Variants in SHROOM3 observed in about 807,000 individuals in gnomAD.
SHROOM3 encodes shroom family member 3.
A neutral mutation model predicts 138.6 loss-of-function variants in SHROOM3; 47 were observed. That is an observed-to-expected ratio of 0.34 (90% CI 0.27 to 0.43). The LOEUF (loss-of-function observed/expected upper bound fraction) is 0.43. Among genes scored for constraint, SHROOM3 ranks in the 20% least tolerant of loss-of-function variants. SHROOM3 has a pLI of 1.00. For synonymous variants in SHROOM3, 1,062 were observed against 1,063.3 expected, an observed-to-expected ratio of 1.00 and a Z score of 0.02; for missense variants, 2,491 against 2,596.5, an observed-to-expected ratio of 0.96 and a Z score of 0.88.
At chr4:76,770,077 C>CT (rs1203509035) in intron 9 of SHROOM3, among the ~76,000 whole-genome samples, 1 of 152,240 alleles carries the variant, frequency 6.6e-6, no homozygotes, top group East Asian at 1.9e-4. Flanking sequence ...AATCCCAGCA[C>CT]TTTGAGAAGC....
chr4:76,535,068 CAT>C (rs1448618288), intron 1 of SHROOM3, among the ~76,000 whole-genome samples: 1 of 152,226 alleles, frequency 6.6e-6, no homozygotes, highest in Non-Finnish European at 1.5e-5. Flanking sequence ...TCTGAACACA[CAT>C]AGCACTTCCA....
At chr4:76,561,431 C>A (rs558024803) in intron 2 of SHROOM3, among the ~76,000 whole-genome samples, 1 of 151,976 alleles carries the variant, frequency 6.6e-6, no homozygotes, top group African/African-American at 2.4e-5. Flanking sequence ...AGGTGGCTAG[C>A]GTGAGAATCT....
At chr4:76,743,007 A>G (rs2110136290) in intron 5 of SHROOM3, among the ~76,000 whole-genome samples, 1 of 152,354 alleles carries the variant, frequency 6.6e-6, no homozygotes, top group Non-Finnish European at 1.5e-5. Context: ...TAAGCAAGGA[A>G]TACGACCTTA....
chr4:76,477,335 G>T (rs1731508148), intron 1 of SHROOM3, among the ~76,000 whole-genome samples: 1 of 152,032 alleles, frequency 6.6e-6, no homozygotes, highest in African/African-American at 2.4e-5. Flanking sequence ...ACCAAAATAG[G>T]ATTTGGTTAA....
At chr4:76,732,578 C>T (rs1434276803) in intron 4 of SHROOM3, among the ~76,000 whole-genome samples, 1 of 152,202 alleles carries the variant, frequency 6.6e-6, no homozygotes, top group Non-Finnish European at 1.5e-5. Flanking sequence ...TTATTCTCAC[C>T]GTCTGAGCCA....
intron 2 of SHROOM3, among the ~76,000 whole-genome samples, chr4:76,663,013 C>G (rs1207805099): frequency 2.6e-5 from 4 of 152,060 alleles, no homozygotes; most frequent in Non-Finnish European, 5.9e-5. Context: ...GATTCCTAGC[C>G]TAGAACATTG....
intron 2 of SHROOM3, among the ~76,000 whole-genome samples, chr4:76,557,266 G>A (rs1011847314): frequency 1.0e-5 from 1 of 99,236 alleles, no homozygotes; most frequent in East Asian, 2.8e-4. Context: ...CACACACGAG[G>A]AATATTATCC....
intron 1 of SHROOM3, among the ~76,000 whole-genome samples, chr4:76,451,051 G>T (rs556089912): frequency 1.3e-5 from 2 of 151,882 alleles, no homozygotes; most frequent in African/African-American, 4.8e-5. Context: ...CTGGGTTCAC[G>T]CCATTCTCCT....
chr4:76,685,815 T>C (rs370291679), intron 2 of SHROOM3, among the ~76,000 whole-genome samples: 22 of 151,998 alleles, frequency 1.4e-4, no homozygotes, highest in African/African-American at 5.1e-4. Flanking sequence ...CCATCTCTAC[T>C]AAAAGTACAA....
chr4:76,564,706 G>T (rs1733663542), intron 2 of SHROOM3, among the ~76,000 whole-genome samples: 1 of 152,150 alleles, frequency 6.6e-6, no homozygotes, highest in Non-Finnish European at 1.5e-5. Context: ...CTAAACACTA[G>T]CTTCATACAA....
At chr4:76,624,390 A>C (rs1160453089) in intron 2 of SHROOM3, among the ~76,000 whole-genome samples, 1 of 152,162 alleles carries the variant, frequency 6.6e-6, no homozygotes, top group Non-Finnish European at 1.5e-5. Flanking sequence ...TTAGAGCTCC[A>C]GAGTTCACTC....
At chr4:76,745,015 G>A (rs1048080498) in intron 5 of SHROOM3, among the ~76,000 whole-genome samples, 4 of 152,340 alleles carry the variant, frequency 2.6e-5, no homozygotes, top group South Asian at 2.1e-4. Flanking sequence ...ACCTTCTCAT[G>A]TATTTGGCAG....
intron 2 of SHROOM3, among the ~76,000 whole-genome samples, chr4:76,681,607 G>GTA (rs1410964750): frequency 7.5e-6 from 1 of 132,756 alleles, no homozygotes; most frequent in African/African-American, 3.0e-5. Flanking sequence ...GTGTGTGTGT[G>GTA]TGTGTGTGTG....
At chr4:76,770,480 A>T in intron 9 of SHROOM3, 146 bp from the exon 10 acceptor site, 1 of 960,440 alleles carries the variant, frequency 1.0e-6, no homozygotes, top group Non-Finnish European at 1.6e-6. Flanking sequence ...CTATTATGGC[A>T]TAATATTGGG....
At chr4:76,441,490 C>CA (rs1335250918) in intron 1 of SHROOM3, among the ~76,000 whole-genome samples, 1 of 152,188 alleles carries the variant, frequency 6.6e-6, no homozygotes, top group Non-Finnish European at 1.5e-5. Context: ...CCAACTACCA[C>CA]ATTAGATCAG....
intron 2 of SHROOM3, among the ~76,000 whole-genome samples, chr4:76,620,933 C>T (rs1023583008): frequency 7.0e-6 from 1 of 142,620 alleles, no homozygotes. Flanking sequence ...TTCCCTGGGT[C>T]AGCAGAACAG....
rs950621661 is a variant in SHROOM3, at chr4:76,664,939, C to G, written c.324-45217C>G. Among the ~76,000 whole-genome samples, 2 of 151,894 alleles carry G rather than the reference C, an allele frequency of 1.3e-5. No homozygotes were observed. The highest frequency in any genetic ancestry group is 2.9e-5 in the Non-Finnish European group (2 of 67,992). On this transcript the variant is annotated intron_variant, in intron 2 of 10. Transcript: ENST00000296043. This position sits in a 1 kb window ranked among gnomAD's most constrained non-coding sequence, Gnocchi z 4.2. ...GCCGAGGTGGGCAGATCACTTGAGCCCAGGAGTTTGAGACCAGCCTGGGCA... is the reference window on the plus strand; with the variant it reads ...GCCGAGGTGGGCAGATCACTTGAGCGCAGGAGTTTGAGACCAGCCTGGGCA...
chr4:76,771,063 C>T (rs529502269), intron 10 of SHROOM3, among the ~76,000 whole-genome samples, 165 bp downstream of exon 10: 1 of 152,224 alleles, frequency 6.6e-6, no homozygotes, highest in South Asian at 2.1e-4. Context: ...AAGGCATTTT[C>T]TGTGTTGAGA....
At position 76,625,521 on chromosome 4, in the gene SHROOM3, T is replaced by C. The variant is rs964445629; in HGVS notation, c.323+69758T>C. On this transcript the variant is annotated intron_variant, in intron 2 of 10. Coordinates refer to ENST00000296043, the MANE Select transcript of SHROOM3 (RefSeq NM_020859.4). ...CCAGCCTCTCCCTCTGTCTGTCTTT[T>C]CTTGCATTACCTAAAGCCCTCATTG... Among the ~76,000 whole-genome samples, 44 of 150,816 alleles carry C rather than the reference T, an allele frequency of 2.9e-4. 1 individual carries two copies. The Middle Eastern group carries it at 0.02, about 70-fold the overall frequency.
Sources: allele counts gnomAD v4.1 joint callset (sites outside exome capture counted in the v4.1 genomes callset), GRCh38; gene constraint gnomAD v4.1.1; non-coding constraint Gnocchi (gnomAD v3.1); transcripts MANE v1.5; gene names NCBI Gene and HGNC (gene_info 2026-07-23, HGNC 2026-07-21).